Variants in TMC1 observed in about 807,000 individuals in gnomAD.
TMC1 encodes the protein transmembrane channel like 1, also known as transmembrane channel-like protein 1.
A neutral mutation model predicts 105.8 loss-of-function variants in TMC1; 84 were observed. The ratio of observed to expected loss-of-function variants is 0.79; its 90% CI spans 0.67 to 0.95. The LOEUF is 0.95. TMC1 is among the 40% of genes least tolerant of loss of function. The pLI is 0.00. For synonymous variants in TMC1, 315 were observed against 311.5 expected, an observed-to-expected ratio of 1.01 and a Z score of -0.12; for missense variants, 817 against 914.1, an observed-to-expected ratio of 0.89 and a Z score of 1.37.
In TMC1 at chr9:72,683,733, T is replaced by TATATATATATATATATATATA. The variant is rs1588029653; in HGVS notation, c.17-4976_17-4975insATATATATATATATATATATA. Among the ~76,000 whole-genome samples, 3 of 53,404 alleles carry TATATATATATATATATATATA rather than the reference T, an allele frequency of 5.6e-5. 1 individual carries two copies. Among genetic ancestry groups the TATATATATATATATATATATA allele is most frequent in the Non-Finnish European group, 1.1e-4 (3 of 27,196 alleles). 35.0% of individuals were successfully genotyped at this position (53,404 alleles called of 152,430 possible). Reference sequence around the variant, plus strand: ...TCTGAGTTAACCTGAGTTACACATTTTATATATATATATATATATATATAT... The same window carrying TATATATATATATATATATATA: ...TCTGAGTTAACCTGAGTTACACATTTATATATATATATATATATATATATATATATATATATATATATATAT... On this transcript the variant is annotated intron_variant, in intron 5 of 23. Transcript: ENST00000297784.
chr9:72,544,697 C>A (rs1290506528), intron 1 of TMC1, among the ~76,000 whole-genome samples: 1 of 151,350 alleles, frequency 6.6e-6, no homozygotes, highest in Admixed American at 6.6e-5. Context: ...CCAGGCTGAT[C>A]TTGAACTCCT....
chr9:72,732,244 G>A (rs943503880), intron 8 of TMC1, among the ~76,000 whole-genome samples: 1 of 152,132 alleles, frequency 6.6e-6, no homozygotes, highest in African/African-American at 2.4e-5. Flanking sequence ...ACTTGACATT[G>A]TATCATCAAC....
At chr9:72,626,760 C>T (rs943977567) in intron 3 of TMC1, among the ~76,000 whole-genome samples, 1 of 152,058 alleles carries the variant, frequency 6.6e-6, no homozygotes, top group African/African-American at 2.4e-5. Flanking sequence ...AGTGATGGGG[C>T]AGAGACCAGA....
At chr9:72,598,509 C>T (rs1468688923) in intron 2 of TMC1, among the ~76,000 whole-genome samples, 1 of 151,790 alleles carries the variant, frequency 6.6e-6, no homozygotes, top group Admixed American at 6.6e-5. Flanking sequence ...AATCGTATCA[C>T]TTATTACTGA....
chr9:72,819,231 C>G (rs1203122496), intron 19 of TMC1, among the ~76,000 whole-genome samples: 1 of 152,186 alleles, frequency 6.6e-6, no homozygotes, highest in East Asian at 1.9e-4. Context: ...GAAAACCACA[C>G]AGGACTTTTA....
At chr9:72,643,920 C>G (rs1443098017) in intron 4 of TMC1, among the ~76,000 whole-genome samples, 2 of 152,118 alleles carry the variant, frequency 1.3e-5, no homozygotes, top group Non-Finnish European at 2.9e-5. Context: ...AGTTCTTCAC[C>G]ATCCCCCTTC....
intron 2 of TMC1, among the ~76,000 whole-genome samples, chr9:72,599,214 A>G (rs1587980841): frequency 1.3e-5 from 2 of 152,208 alleles, no homozygotes; most frequent in Middle Eastern, 6.8e-3. Flanking sequence ...TATTATTAGT[A>G]TAGATGGGGT....
intron 15 of TMC1, among the ~76,000 whole-genome samples, chr9:72,791,084 C>A (rs754956330): frequency 2.6e-5 from 4 of 152,042 alleles, no homozygotes; most frequent in East Asian, 3.9e-4. Context: ...GTTTTGGATT[C>A]TTTTTATTGA....
intron 8 of TMC1, among the ~76,000 whole-genome samples, chr9:72,708,010 A>G (rs2117897036): frequency 6.6e-6 from 1 of 152,222 alleles, no homozygotes; most frequent in South Asian, 2.1e-4. Context: ...CATTTGTTGA[A>G]TGAATAGGGT....
Position 72,820,931 on chromosome 9 carries a change from G to A in TMC1, c.1853G>A (p.Cys618Tyr). Residue 618 changes from cysteine to tyrosine, a missense_variant, in exon 20 of 24, where the codon TGC becomes TAC. Cys to Tyr is a radical substitution (Grantham distance 194). Coordinates refer to ENST00000297784, the MANE Select transcript of TMC1 (RefSeq NM_138691.3). ...TACTTCCAGTGCTGGGCCGTTATGT[G>A]CTGCAATGTTCCTGAGGCCAGGGTC... ...SMYFQCWAVM[C>Y]CNVPEARVFK... 3 of 1,614,122 alleles carry A rather than the reference G, an allele frequency of 1.9e-6. No individual in the cohort carries two copies. The highest frequency in any genetic ancestry group is 2.5e-6 in the Non-Finnish European group (3 of 1,180,020).
At chr9:72,687,250 A>C (rs1244176501) in intron 5 of TMC1, among the ~76,000 whole-genome samples, 1 of 152,120 alleles carries the variant, frequency 6.6e-6, no homozygotes, top group African/African-American at 2.4e-5. Context: ...AGCATTTGCT[A>C]TTTGTCCTCA....
chr9:72,526,644 C>G (rs1823411960), intron 1 of TMC1, among the ~76,000 whole-genome samples: 1 of 152,140 alleles, frequency 6.6e-6, no homozygotes, highest in African/African-American at 2.4e-5. Flanking sequence ...AATTAAAACC[C>G]CTGTGACTTT....
At chr9:72,833,071 TATA>T (rs1016265366) in intron 23 of TMC1, among the ~76,000 whole-genome samples, 1 of 152,196 alleles carries the variant, frequency 6.6e-6, no homozygotes, top group African/African-American at 2.4e-5. Context: ...CTACAATGGA[TATA>T]ATAATTTTAA....
At chr9:72,736,358 G>A (rs1353452321) in intron 8 of TMC1, among the ~76,000 whole-genome samples, 2 of 152,098 alleles carry the variant, frequency 1.3e-5, no homozygotes, top group Non-Finnish European at 2.9e-5. Context: ...TAATTTGACT[G>A]TTACCTTGGC....
chr9:72,597,905 C>T (rs1033397641), intron 2 of TMC1, among the ~76,000 whole-genome samples: 3 of 152,112 alleles, frequency 2.0e-5, no homozygotes, highest in African/African-American at 7.2e-5. Flanking sequence ...ATCTCCTATG[C>T]CAGTTCCCTT....
At chr9:72,817,126 C>G (rs527259537) in intron 19 of TMC1, 3 of 152,060 alleles carry the variant, frequency 2.0e-5, no homozygotes, top group Non-Finnish European at 4.4e-5. Context: ...TGACAGACAC[C>G]GGACCCCTCT....
chr9:72,669,386 C>T (rs1252032917), intron 5 of TMC1, among the ~76,000 whole-genome samples: 1 of 152,166 alleles, frequency 6.6e-6, no homozygotes. Flanking sequence ...CTCACAACCT[C>T]ATCATCTAGA....
chr9:72,626,468 A>G (rs527779740), intron 3 of TMC1, among the ~76,000 whole-genome samples: 4 of 152,174 alleles, frequency 2.6e-5, no homozygotes, highest in Non-Finnish European at 5.9e-5. Context: ...AGAAAGAAAA[A>G]AATAAAAAGC....
chr9:72,551,603 C>T (rs953705417), intron 1 of TMC1, among the ~76,000 whole-genome samples: 1 of 152,156 alleles, frequency 6.6e-6, no homozygotes, highest in African/African-American at 2.4e-5. Flanking sequence ...GCTTTATCCC[C>T]TTGTAGCCAT....
Sources: allele counts gnomAD v4.1 joint callset (sites outside exome capture counted in the v4.1 genomes callset), GRCh38; gene constraint gnomAD v4.1.1; transcripts MANE v1.5; gene names NCBI Gene and HGNC (gene_info 2026-07-23, HGNC 2026-07-21).